TIPARP: variants seen among roughly 807,000 people sequenced by gnomAD.
TIPARP encodes protein mono-ADP-ribosyltransferase TIPARP.
TIPARP carries 12 observed loss-of-function variants against 56.5 expected under a neutral mutation model. The observed-to-expected ratio is 0.21, with a 90% CI of 0.14 to 0.34. The LOEUF (loss-of-function observed/expected upper bound fraction) is 0.34, where lower values mean the gene tolerates loss of function less well. Among genes scored for constraint, TIPARP ranks in the 10% least tolerant of loss-of-function variants. The pLI is 1.00. For synonymous variants in TIPARP, 296 were observed against 265.7 expected (o/e 1.11, Z -1.11); for missense variants, 604 against 781.6 (o/e 0.77, Z 2.71).
At chr3:156,682,188 AC>A (rs1159779135) in intron 2 of TIPARP, among the ~76,000 whole-genome samples, 1 of 152,208 alleles carries the variant, frequency 6.6e-6, no homozygotes, top group Non-Finnish European at 1.5e-5. Context: ...CACACTGCAA[AC>A]CTTATTTTGG....
intron 4 of TIPARP, among the ~76,000 whole-genome samples, chr3:156,702,262 G>A (rs1447435626): frequency 6.6e-6 from 1 of 152,078 alleles, no homozygotes; most frequent in African/African-American, 2.4e-5. Flanking sequence ...TTCTGTCTTC[G>A]CTCTTTGCTA....
At chr3:156,685,653 C>A (rs1216487834) in intron 2 of TIPARP, among the ~76,000 whole-genome samples, 1 of 152,222 alleles carries the variant, frequency 6.6e-6, no homozygotes, top group South Asian at 2.1e-4. Context: ...TTAGACCACA[C>A]TTACAAGAAT....
At chr3:156,699,612 A>G (rs1279485279) in intron 4 of TIPARP, among the ~76,000 whole-genome samples, 3 of 152,182 alleles carry the variant, frequency 2.0e-5, no homozygotes, top group Admixed American at 1.3e-4. Context: ...ATGCACTGGG[A>G]TACTAAAAAA....
chr3:156,682,457 G>A (rs1214567864), intron 2 of TIPARP, among the ~76,000 whole-genome samples: 1 of 152,152 alleles, frequency 6.6e-6, no homozygotes, highest in Non-Finnish European at 1.5e-5. Context: ...GCCCTTAGAA[G>A]TCTATTTTTA....
Position 156,694,096 on chromosome 3 carries a change from T to C in TIPARP, c.994T>C (p.Ser332Pro). 1 of 1,613,668 alleles carries C rather than the reference T, an allele frequency of 6.2e-7. No individual in the cohort carries two copies. The highest frequency in any genetic ancestry group is 8.5e-7 in the Non-Finnish European group (1 of 1,179,756). The change falls in exon 3 of 6, where the codon TCC (serine) becomes CCC (proline). Residue 332 changes from serine (S) to proline (P), a missense_variant. Transcript: ENST00000295924. ...TTEFDQLRRL[S>P]TPPSSNVNSI... The stretch of plus-strand genomic sequence containing the variant: ...TGAATTTGACCAACTACGAAGGCTG[T>C]CCACACCACCCTCTAGCAATGTCAA...
intron 2 of TIPARP, among the ~76,000 whole-genome samples, chr3:156,679,311 T>A (rs896376304): frequency 3.8e-4 from 58 of 152,202 alleles, no homozygotes; most frequent in African/African-American, 1.4e-3. Context: ...GTACACAAGA[T>A]GTGTGTATAC....
chr3:156,675,984 G>T (rs1722115279), intron 1 of TIPARP, among the ~76,000 whole-genome samples: 1 of 152,198 alleles, frequency 6.6e-6, no homozygotes, highest in African/African-American at 2.4e-5. Context: ...TTGCGCGCGC[G>T]CGCTTGCGTG....
intron 2 of TIPARP, among the ~76,000 whole-genome samples, chr3:156,682,969 T>A (rs1341253733): frequency 6.6e-6 from 1 of 152,224 alleles, no homozygotes; most frequent in African/African-American, 2.4e-5. Flanking sequence ...TTGGCTTCTG[T>A]CTATACTAAC....
intron 1 of TIPARP, among the ~76,000 whole-genome samples, chr3:156,675,999 C>T (rs967170899): frequency 1.3e-5 from 2 of 152,146 alleles, no homozygotes; most frequent in Admixed American, 1.3e-4. Context: ...TGCGTGTGTA[C>T]GCGCAGACAC....
At chr3:156,680,530 A>G (rs1722267740) in intron 2 of TIPARP, among the ~76,000 whole-genome samples, 1 of 152,188 alleles carries the variant, frequency 6.6e-6, no homozygotes, top group Non-Finnish European at 1.5e-5. Context: ...GCAAATTTCC[A>G]GTCTGCTGAG....
intron 4 of TIPARP, among the ~76,000 whole-genome samples, chr3:156,698,374 T>G (rs1052452163): frequency 6.6e-6 from 1 of 152,192 alleles, no homozygotes; most frequent in Non-Finnish European, 1.5e-5. Context: ...GAAGATGCCA[T>G]CTAGGACTTC....
At position 156,702,019 on chromosome 3, in the gene TIPARP, C is replaced by CGGT. The variant is rs67188281; in HGVS notation, c.1248-1353_1248-1351dup. ...AAAAGACTGTGTGTTGATGATAATG[C>CGGT]GGTGGTGGTGGTGGTGGTGGTGGTG... On this transcript the variant is annotated intron_variant, in intron 4 of 5. Coordinates refer to ENST00000295924, the MANE Select transcript of TIPARP (RefSeq NM_015508.5). Among the ~76,000 whole-genome samples the CGGT allele has an allele frequency of 9.6e-3, 945 of 98,632 alleles. 17 individuals are homozygous for CGGT. The highest frequency in any genetic ancestry group is 0.021 in the African/African-American group (523 of 24,524). The allele number at this position is 98,632 out of a possible 152,430, so 64.7% of individuals were successfully genotyped here.
Position 156,677,685 on chromosome 3 carries a change from G to A in TIPARP, c.-13G>A. The A allele has an allele frequency of 3.8e-6, 6 of 1,559,678 alleles. No individual in the cohort carries two copies. The highest frequency in any genetic ancestry group is 1.7e-4 in the Middle Eastern group (1 of 5,786). On this transcript the variant is annotated 5_prime_UTR_variant, in exon 2 of 6. Transcript: ENST00000295924. Reference sequence around the variant, plus strand: ...TTTTAGACTCTGAGGAGCAGTTGGAGCTAATCCACATTATGGAAATGGAAA... The same window carrying A: ...TTTTAGACTCTGAGGAGCAGTTGGAACTAATCCACATTATGGAAATGGAAA...
chr3:156,679,029 A>G (rs1722224741), intron 2 of TIPARP, among the ~76,000 whole-genome samples: 2 of 152,198 alleles, frequency 1.3e-5, no homozygotes, highest in Non-Finnish European at 2.9e-5. Flanking sequence ...TTAAAGAAAA[A>G]TAGTATTGTC....
intron 2 of TIPARP, among the ~76,000 whole-genome samples, chr3:156,679,923 T>G (rs918044759): frequency 3.3e-5 from 5 of 152,198 alleles, no homozygotes; most frequent in Non-Finnish European, 5.9e-5. Context: ...AAACATGGTT[T>G]TTTTTGTTTG....
chr3:156,704,622 C>G lies in TIPARP; in HGVS notation c.1527-62C>G. On this transcript the variant is annotated intron_variant, in intron 5 of 5. Coordinates refer to ENST00000295924, the MANE Select transcript of TIPARP (RefSeq NM_015508.5). ...CATAAAGAGAAGTTTATGACTACATCATGCCTGTTAAATTGACCTGTATTT... is the reference window on the plus strand; with the variant it reads ...CATAAAGAGAAGTTTATGACTACATGATGCCTGTTAAATTGACCTGTATTT... 2.0e-6 allele frequency: 3 copies of G among 1,517,006 alleles called. No homozygotes were observed. In the Admixed American group the frequency reaches 5.7e-5, roughly 29 times the overall value. 94.0% of individuals were successfully genotyped at this position (1,517,006 alleles called of 1,614,324 possible). A position where few individuals can be genotyped will look rare whatever the true frequency, so the allele number is the denominator to read the frequency against.
chr3:156,688,205 T>C (rs1399879912), intron 2 of TIPARP, among the ~76,000 whole-genome samples: 1 of 151,820 alleles, frequency 6.6e-6, no homozygotes, highest in Non-Finnish European at 1.5e-5. Context: ...CGAAACCTTG[T>C]CTCTACAGAA....
At chr3:156,696,767 A>G (rs1268968568) in intron 4 of TIPARP, among the ~76,000 whole-genome samples, 2 of 151,966 alleles carry the variant, frequency 1.3e-5, no homozygotes, top group Non-Finnish European at 2.9e-5. Context: ...ATCATTATCT[A>G]CTCCAGTCAG....
intron 2 of TIPARP, among the ~76,000 whole-genome samples, chr3:156,685,268 T>C (rs1722403787): frequency 6.6e-6 from 1 of 152,240 alleles, no homozygotes; most frequent in African/African-American, 2.4e-5. Context: ...ACAAAATGTG[T>C]CTGTCTCCTG....
Sources: gnomAD v4.1 joint callset for allele counts (sites outside exome capture counted in the v4.1 genomes callset) on GRCh38, gnomAD v4.1.1 for gene constraint, MANE v1.5 for transcripts, NCBI Gene and HGNC (gene_info 2026-07-23, HGNC 2026-07-21) for gene names.